Variants in YJU2B observed in about 807,000 individuals in gnomAD.
YJU2B encodes YJU2 splicing factor homolog B.
A neutral mutation model predicts 38.0 loss-of-function variants in YJU2B; 18 were observed. That is an observed-to-expected ratio of 0.47 (90% confidence interval 0.33 to 0.70). The LOEUF is 0.70. Among genes scored for constraint, YJU2B ranks in the 30% least tolerant of loss-of-function variants. The pLI is 0.02. For synonymous variants in YJU2B, 246 were observed against 225.4 expected (o/e 1.09, Z -0.82); for missense variants, 538 against 556.3 (o/e 0.97, Z 0.33).
chr19:13,731,805 C>A (rs1470127934), exon 1 of YJU2B: 1 of 152,256 alleles, frequency 6.6e-6, no homozygotes, highest in Non-Finnish European at 1.5e-5. Context: ...GAACCCGCTT[C>A]CAGGGTCCTC....
upstream of YJU2B, among the ~76,000 whole-genome samples, chr19:13,746,249 CAA>C (rs36114411): frequency 1.4e-5 from 2 of 141,144 alleles, no homozygotes; most frequent in Non-Finnish European, 1.5e-5. Context: ...GACTCCGACT[CAA>C]AAAAAAAAAA....
At chr19:13,761,229 A>T (rs1168117574) in intron 8 of YJU2B, among the ~76,000 whole-genome samples, 1 of 151,042 alleles carries the variant, frequency 6.6e-6, no homozygotes, top group Non-Finnish European at 1.5e-5. Flanking sequence ...AATGCAAAAA[A>T]AAATTAGCCA....
intron 8 of YJU2B, chr19:13,759,474 A>C (rs1342311623): frequency 3.7e-6 from 2 of 534,450 alleles, no homozygotes; most frequent in East Asian, 6.6e-5. Context: ...CAGAAACAGT[A>C]GAAATTTGGC....
chr19:13,750,565 C>A (rs1230776370), intron 1 of YJU2B, among the ~76,000 whole-genome samples: 1 of 151,636 alleles, frequency 6.6e-6, no homozygotes, highest in Non-Finnish European at 1.5e-5. Flanking sequence ...TAGGTCAAGA[C>A]CTGTGACAGG....
intron 3 of YJU2B, 139 bp downstream of exon 3, chr19:13,754,481 C>A (rs1325215177): frequency 4.2e-6 from 3 of 717,664 alleles, no homozygotes; most frequent in Non-Finnish European, 5.0e-6. Flanking sequence ...AGTCTCGAGG[C>A]TGTCTTCACT....
chr19:13,761,787 G>A (rs941585462), intron 8 of YJU2B, among the ~76,000 whole-genome samples: 1 of 147,546 alleles, frequency 6.8e-6, no homozygotes, highest in South Asian at 2.1e-4. Context: ...CAGTGACAAC[G>A]ATCTCAGCCC....
rs1032897347 is a variant in YJU2B at position 13,763,220 on chromosome 19, G to A, written c.*152G>A. ...GACCGCGCCTTCCTGCAACCGTGGA[G>A]TTATTTATTTGGTCCTGGTGAGGGT... On this transcript the variant is annotated 3_prime_UTR_variant, in exon 10 of 10. Coordinates refer to ENST00000221554, the MANE Select transcript of YJU2B (RefSeq NM_030818.4). 43 of 602,124 alleles carry A rather than the reference G, an allele frequency of 7.1e-5. No individual in the cohort carries two copies. The highest frequency in any genetic ancestry group is 5.1e-5 in the Non-Finnish European group (18 of 351,230). 37.3% of individuals were successfully genotyped at this position (602,124 alleles called of 1,614,324 possible). A position where few individuals can be genotyped will look rare whatever the true frequency, so the allele number is the denominator to read the frequency against.
intron 1 of YJU2B, among the ~76,000 whole-genome samples, chr19:13,749,036 T>C (rs1360407831): frequency 6.6e-6 from 1 of 152,186 alleles, no homozygotes; most frequent in Non-Finnish European, 1.5e-5. Context: ...AGAATCTCAC[T>C]CTTGTCACCT....
intron 1 of YJU2B, among the ~76,000 whole-genome samples, chr19:13,748,568 G>C (rs1322414733): frequency 2.6e-5 from 4 of 152,094 alleles, no homozygotes; most frequent in Non-Finnish European, 4.4e-5. Context: ...ACCATCTTAA[G>C]ACACACACAC....
At chr19:13,740,509 G>A (rs1973064510) in intron 2 of YJU2B, among the ~76,000 whole-genome samples, 1 of 151,886 alleles carries the variant, frequency 6.6e-6, no homozygotes, top group Non-Finnish European at 1.5e-5. Flanking sequence ...ACCATGCCCA[G>A]CCAGTTAGAC....
intron 3 of YJU2B, among the ~76,000 whole-genome samples, chr19:13,754,870 TG>T (rs1973603869): frequency 6.6e-6 from 1 of 152,098 alleles, no homozygotes; most frequent in African/African-American, 2.4e-5. Context: ...AAGGCAGAGA[TG>T]TTCATCTATC....
chr19:13,745,571 C>A (rs142431955), upstream of YJU2B, among the ~76,000 whole-genome samples: 1 of 151,260 alleles, frequency 6.6e-6, no homozygotes, highest in Non-Finnish European at 1.5e-5. Context: ...CGCTTGATCC[C>A]GGAAGGAAGG....
chr19:13,759,797 A>AT (rs3059654), intron 8 of YJU2B, among the ~76,000 whole-genome samples: 4,367 of 129,816 alleles, frequency 0.034, 179 homozygotes, highest in African/African-American at 0.097. Flanking sequence ...CGCCTGGCTA[A>AT]TTTTTTTTTT....
chr19:13,742,739 T>C (rs1383581621), intron 2 of YJU2B, among the ~76,000 whole-genome samples: 1 of 152,220 alleles, frequency 6.6e-6, no homozygotes, highest in East Asian at 1.9e-4. Context: ...AGGCTTCTCA[T>C]TCTCCCCTCT....
chr19:13,734,838 G>A (rs147502347), intron 2 of YJU2B, among the ~76,000 whole-genome samples: 1,719 of 152,162 alleles, frequency 0.011, 13 homozygotes, highest in Non-Finnish European at 0.017. Context: ...AACTCCCTGG[G>A]GCTCAAGTGA....
At chr19:13,750,029 G>A (rs1471654397) in intron 1 of YJU2B, among the ~76,000 whole-genome samples, 2 of 152,142 alleles carry the variant, frequency 1.3e-5, no homozygotes, top group Non-Finnish European at 2.9e-5. Context: ...TGCACTGACT[G>A]TGACCCTTAT....
At chr19:13,753,574 C>CAAAAAAAAA in intron 2 of YJU2B, among the ~76,000 whole-genome samples, 1 of 71,882 alleles carries the variant, frequency 1.4e-5, no homozygotes, top group Non-Finnish European at 2.6e-5. Context: ...AACTCTGTCT[C>CAAAAAAAAA]AAAAAAAAAA....
At position 13,759,164 on chromosome 19, in the gene YJU2B, C is replaced by T; in HGVS notation, c.465C>T (p.Asp155=). 6.2e-7 allele frequency: 1 copy of T among 1,613,562 alleles called. No individual in the cohort carries two copies. Among genetic ancestry groups the T allele is most frequent in the Non-Finnish European group, 8.5e-7 (1 of 1,179,840 alleles). Residue 155 remains aspartate, a synonymous_variant, in exon 8 of 10, where the codon GAC becomes GAT. Coordinates refer to ENST00000221554, the MANE Select transcript of YJU2B (RefSeq NM_030818.4). ...AMFRLEHGEA[D]RSTLKKALPT... ...TCCGGCTGGAGCATGGCGAGGCCGA[C>T]CGCAGCACACTCAAGAAGGCGCTGC... is the stretch of plus-strand genomic sequence containing the variant.
rs757156496 is a variant in YJU2B, at chr19:13,763,281, T to G, written c.*213T>G. 1.8e-4 allele frequency: 91 copies of G among 507,856 alleles called. No homozygotes were observed. Among genetic ancestry groups the G allele is most frequent in the Non-Finnish European group, 2.0e-4 (58 of 289,378 alleles). 31.5% of individuals were successfully genotyped at this position (507,856 alleles called of 1,614,324 possible). On this transcript the variant is annotated 3_prime_UTR_variant, in exon 10 of 10. Transcript: ENST00000221554. Reference sequence around the variant, plus strand: ...TGTGAGACTCCGTACATTAAAGACCTGTCTCTTCTTCCCTGTCTTGGGTTG... The same window carrying G: ...TGTGAGACTCCGTACATTAAAGACCGGTCTCTTCTTCCCTGTCTTGGGTTG...
Sources: allele counts gnomAD v4.1 joint callset (sites outside exome capture counted in the v4.1 genomes callset), GRCh38; gene constraint gnomAD v4.1.1; transcripts MANE v1.5; gene names NCBI Gene and HGNC (gene_info 2026-07-23, HGNC 2026-07-21).